Variants in CSMD1 observed in about 807,000 individuals in gnomAD.
CSMD1 encodes the protein CUB and Sushi multiple domains 1.
A neutral mutation model predicts 417.5 loss-of-function variants in CSMD1; 213 were observed. The ratio of observed to expected loss-of-function variants is 0.51; its 90% confidence interval spans 0.46 to 0.57. The LOEUF (loss-of-function observed/expected upper bound fraction) is 0.57. CSMD1 is among the 20% of genes least tolerant of loss of function. The probability of loss-of-function intolerance (pLI) is 0.00; values close to 1 mark genes in which losing one functional copy is unlikely to be tolerated. For missense variants in CSMD1, 6,923 were observed against 4,529.7 expected, an observed-to-expected ratio of 1.53 and a Z score of -15.17; for synonymous variants, 2,862 against 1,736.8, an observed-to-expected ratio of 1.65 and a Z score of -16.11.
chr8:3,329,120 T>A (rs930675003), intron 23 of CSMD1, among the ~76,000 whole-genome samples: 2 of 152,034 alleles, frequency 1.3e-5, no homozygotes, highest in Non-Finnish European at 2.9e-5. Flanking sequence ...TGGCATAGAA[T>A]GGAGGTGGAA....
rs118036119 is a variant in CSMD1, at chr8:4,163,521, A to C, written c.416-131422T>G. The stretch of plus-strand genomic sequence containing the variant: ...TCACAGTACAGACATTGTTTTGTGA[A>C]ATATTTAATATTAGGTAAAGCTACA... On this transcript the variant is annotated intron_variant, in intron 3 of 69. Transcript: ENST00000635120. 6.9e-3 allele frequency among the ~76,000 whole-genome samples: 1,055 copies of C among 152,304 alleles called. 12 individuals are homozygous for C. The highest frequency in any genetic ancestry group is 0.011 in the Non-Finnish European group (766 of 68,024).
At chr8:3,531,754 G>A (rs1313827182) in intron 10 of CSMD1, among the ~76,000 whole-genome samples, 1 of 152,156 alleles carries the variant, frequency 6.6e-6, no homozygotes, top group African/African-American at 2.4e-5. Context: ...TTCTAACAAA[G>A]AGCAGCCTGG....
intron 3 of CSMD1, among the ~76,000 whole-genome samples, chr8:4,267,673 C>T (rs1450082019): frequency 1.3e-5 from 2 of 151,968 alleles, no homozygotes; most frequent in Non-Finnish European, 2.9e-5. Flanking sequence ...TAGGCTTTGG[C>T]TTCACTCCCT....
chr8:3,762,880 C>G (rs948674753), intron 5 of CSMD1, among the ~76,000 whole-genome samples: 1 of 152,226 alleles, frequency 6.6e-6, no homozygotes, highest in Non-Finnish European at 1.5e-5. Context: ...GAGGAAGCTG[C>G]TGATGAGAGC....
At chr8:4,983,460 A>G (rs1811006266) in intron 1 of CSMD1, among the ~76,000 whole-genome samples, 1 of 152,230 alleles carries the variant, frequency 6.6e-6, no homozygotes, top group African/African-American at 2.4e-5. Context: ...GTTCTCCAGG[A>G]CTTTAAGATT....
chr8:4,964,584 CAAG>C (rs1159215209), intron 1 of CSMD1, among the ~76,000 whole-genome samples: 2 of 139,116 alleles, frequency 1.4e-5, no homozygotes, highest in Non-Finnish European at 3.1e-5. Flanking sequence ...CCAAGAAGGA[CAAG>C]AAGGACTGGA....
At chr8:3,406,368 A>T (rs1812343632) in intron 14 of CSMD1, 147 bp from the exon 15 acceptor site, 1 of 442,438 alleles carries the variant, frequency 2.3e-6, no homozygotes, top group Admixed American at 4.4e-5. Context: ...TCATAGATAG[A>T]TAATACATTA....
intron 3 of CSMD1, among the ~76,000 whole-genome samples, chr8:4,269,018 C>A (rs17069800): frequency 0.057 from 8,631 of 152,102 alleles, 302 homozygotes; most frequent in East Asian, 0.097. Context: ...AAGTAAAATA[C>A]ACAATGAGGT....
At chr8:4,140,776 T>TC (rs1342330391) in intron 3 of CSMD1, among the ~76,000 whole-genome samples, 1 of 150,974 alleles carries the variant, frequency 6.6e-6, no homozygotes, top group Admixed American at 6.6e-5. Flanking sequence ...AGCTTTGCTC[T>TC]CCCCTAGGGT....
intron 47 of CSMD1, 68 bp from the exon 48 acceptor site, chr8:3,091,730 AG>A (rs1191250552): frequency 7.0e-7 from 1 of 1,431,872 alleles, no homozygotes; most frequent in African/African-American, 1.4e-5. Flanking sequence ...TACTAGGTTT[AG>A]CTTTTGATTA....
intron 3 of CSMD1, among the ~76,000 whole-genome samples, chr8:4,308,215 G>C (rs961958359): frequency 6.6e-6 from 1 of 152,084 alleles, no homozygotes; most frequent in African/African-American, 2.4e-5. Flanking sequence ...AGACTGTGTG[G>C]GATGTGTGTG....
intron 51 of CSMD1, among the ~76,000 whole-genome samples, chr8:3,026,470 C>T (rs1170721693): frequency 1.3e-5 from 2 of 151,680 alleles, no homozygotes; most frequent in African/African-American, 2.4e-5. Flanking sequence ...GTGGACTTCA[C>T]TGGACCTCAC....
chr8:3,821,578 A>T (rs1222224183), intron 5 of CSMD1, among the ~76,000 whole-genome samples: 1 of 152,082 alleles, frequency 6.6e-6, no homozygotes, highest in African/African-American at 2.4e-5. Flanking sequence ...GGTCAAGAGT[A>T]CGAGACCAGC....
At chr8:4,801,075 C>T (rs969115452) in intron 1 of CSMD1, among the ~76,000 whole-genome samples, 6 of 152,286 alleles carry the variant, frequency 3.9e-5, no homozygotes, top group African/African-American at 1.2e-4. Context: ...ACCTACAGAT[C>T]TGAAATGATA....
intron 5 of CSMD1, among the ~76,000 whole-genome samples, chr8:3,901,470 G>C (rs1308395554): frequency 6.6e-6 from 1 of 152,106 alleles, no homozygotes; most frequent in South Asian, 2.1e-4. Flanking sequence ...TTTTCCACTT[G>C]ATAGATCTCA....
intron 3 of CSMD1, among the ~76,000 whole-genome samples, chr8:4,164,823 C>A (rs752578277): frequency 2.7e-4 from 41 of 151,738 alleles, no homozygotes; most frequent in Non-Finnish European, 5.4e-4. Context: ...TTGCAGTGAG[C>A]TGACATTGTG....
At chr8:3,672,266 C>T (rs1340368864) in intron 7 of CSMD1, among the ~76,000 whole-genome samples, 1 of 152,018 alleles carries the variant, frequency 6.6e-6, no homozygotes, top group Non-Finnish European at 1.5e-5. Context: ...TATATTAAAC[C>T]AAAGAGTCTT....
chr8:3,410,310 G>C (rs1365206403), intron 12 of CSMD1, among the ~76,000 whole-genome samples: 1 of 152,130 alleles, frequency 6.6e-6, no homozygotes, highest in African/African-American at 2.4e-5. Context: ...TCCTGTTCTA[G>C]GTAAGGGCTT....
At chr8:4,801,487 A>T (rs2117284792) in intron 1 of CSMD1, among the ~76,000 whole-genome samples, 1 of 151,830 alleles carries the variant, frequency 6.6e-6, no homozygotes. Flanking sequence ...CTTCAAATTG[A>T]GGGGCGCAAG....
Sources: allele counts gnomAD v4.1 joint callset (sites outside exome capture counted in the v4.1 genomes callset), GRCh38; gene constraint gnomAD v4.1.1; transcripts MANE v1.5; gene names NCBI Gene and HGNC (gene_info 2026-07-23, HGNC 2026-07-21).